JAKMIP2: variants seen among roughly 807,000 people sequenced by gnomAD.
The protein encoded by JAKMIP2 is janus kinase and microtubule-interacting protein 2.
In JAKMIP2, 25 loss-of-function variants were observed where a neutral mutation model predicts 115.0. The ratio of observed to expected loss-of-function variants is 0.22; its 90% CI spans 0.16 to 0.30. JAKMIP2 has a LOEUF of 0.30. Ranked by LOEUF, JAKMIP2 falls within the 10% of genes least tolerant of loss-of-function variation. The pLI is 1.00. For synonymous variants in JAKMIP2, 334 were observed against 343.6 expected, an observed-to-expected ratio of 0.97 and a Z score of 0.31; for missense variants, 642 against 957.6, an observed-to-expected ratio of 0.67 and a Z score of 4.35.
Position 147,620,568 on chromosome 5 carries a change from C to T in JAKMIP2, c.2142+98G>A, listed in dbSNP as rs111549687. ...AAATGAATGAACTGCATGTCGTGAT[C>T]TATTCAAGTACATAGCATGGAAAAT... On this transcript the variant is annotated intron_variant, in intron 18 of 21. Transcript: ENST00000616793. 49 of 714,438 alleles carry T rather than the reference C, an allele frequency of 6.9e-5. 1 individual carries two copies. The highest frequency in any genetic ancestry group is 6.4e-4 in the African/African-American group (36 of 55,942). The allele number at this position is 714,438 out of a possible 1,614,324, so 44.3% of individuals were successfully genotyped here. A position where few individuals can be genotyped will look rare whatever the true frequency, so the allele number is the denominator to read the frequency against.
At chr5:147,702,664 GAGAGAGAA>G (rs147998221) in intron 1 of JAKMIP2, among the ~76,000 whole-genome samples, 2,248 of 100,906 alleles carry the variant, frequency 0.022, 72 homozygotes, top group East Asian at 0.14. Flanking sequence ...AAGAAAGAAA[GAGAGAGAA>G]AGAAAGAGAA....
chr5:147,672,876 C>A (rs956416532), intron 1 of JAKMIP2, among the ~76,000 whole-genome samples: 3 of 152,154 alleles, frequency 2.0e-5, no homozygotes, highest in African/African-American at 4.8e-5. Context: ...ATTAATTACA[C>A]CCCTAAATGT....
At chr5:147,612,503 T>C in intron 19 of JAKMIP2, 132 bp from the exon 20 acceptor site, 1 of 574,924 alleles carries the variant, frequency 1.7e-6, no homozygotes, top group Non-Finnish European at 3.1e-6. Flanking sequence ...AAACATCGCA[T>C]GTATGTTTTC....
chr5:147,675,659 C>T (rs1759901681), intron 1 of JAKMIP2, among the ~76,000 whole-genome samples: 2 of 152,146 alleles, frequency 1.3e-5, no homozygotes, highest in Non-Finnish European at 2.9e-5. Context: ...CCATAATTCA[C>T]TATTCCCCAC....
intron 1 of JAKMIP2, among the ~76,000 whole-genome samples, chr5:147,727,889 C>T (rs1753582077): frequency 1.3e-5 from 2 of 152,018 alleles, no homozygotes; most frequent in Admixed American, 6.5e-5. Flanking sequence ...TCTTGCTACT[C>T]TTGATGCACA....
chr5:147,676,115 C>T (rs1377794945), intron 1 of JAKMIP2, among the ~76,000 whole-genome samples: 6 of 152,090 alleles, frequency 3.9e-5, no homozygotes. Context: ...GGGCGGATCA[C>T]GAGGTCAGGA....
intron 1 of JAKMIP2, among the ~76,000 whole-genome samples, chr5:147,700,658 T>A (rs1405373383): frequency 6.6e-6 from 1 of 152,172 alleles, no homozygotes; most frequent in East Asian, 1.9e-4. Context: ...ACTAAAAGCT[T>A]TGATCAGAAC....
intron 10 of JAKMIP2, among the ~76,000 whole-genome samples, chr5:147,638,787 G>GAAACCTAGGT (rs1757744470): frequency 6.6e-6 from 1 of 151,900 alleles, no homozygotes; most frequent in African/African-American, 2.4e-5. Flanking sequence ...ACAAGGCTAG[G>GAAACCTAGGT]AAACCTAGGT....
chr5:147,606,971 CTCTG>C (rs1427310171), intron 20 of JAKMIP2, among the ~76,000 whole-genome samples: 21 of 152,032 alleles, frequency 1.4e-4, no homozygotes, highest in Non-Finnish European at 2.5e-4. Flanking sequence ...TGATTTGGCT[CTCTG>C]TCTATTATTG....
chr5:147,666,918 T>C (rs867656061), intron 2 of JAKMIP2, among the ~76,000 whole-genome samples: 83 of 152,238 alleles, frequency 5.5e-4, no homozygotes, highest in Middle Eastern at 6.8e-3. Context: ...ATAATTTTAA[T>C]AAATACTGTG....
At chr5:147,677,189 G>GTCATAGTGCCTATGACA (rs1760014466) in intron 1 of JAKMIP2, among the ~76,000 whole-genome samples, 2 of 152,176 alleles carry the variant, frequency 1.3e-5, no homozygotes, top group South Asian at 2.1e-4. Context: ...ACACTGGATT[G>GTCATAGTGCCTATGACA]CTTGGCAATT....
At chr5:147,684,296 A>AACAC (rs10565596) in intron 1 of JAKMIP2, among the ~76,000 whole-genome samples, 282 of 147,470 alleles carry the variant, frequency 1.9e-3, no homozygotes, top group East Asian at 5.6e-3. Flanking sequence ...AGTGCCAGAG[A>AACAC]ACACACACAC....
At chr5:147,708,820 T>G (rs1379009941) in intron 1 of JAKMIP2, among the ~76,000 whole-genome samples, 1 of 152,214 alleles carries the variant, frequency 6.6e-6, no homozygotes, top group Non-Finnish European at 1.5e-5. Flanking sequence ...TGTAGGTTCC[T>G]GGGTTCAATT....
intron 2 of JAKMIP2, 127 bp from the exon 3 acceptor site, chr5:147,661,572 C>T (rs1170615707): frequency 5.0e-6 from 5 of 998,302 alleles, no homozygotes; most frequent in Admixed American, 2.6e-5. Flanking sequence ...ATTCCAGGCC[C>T]TCTGAGAAAA....
chr5:147,759,392 G>C (rs967198982), intron 1 of JAKMIP2, among the ~76,000 whole-genome samples: 1 of 152,080 alleles, frequency 6.6e-6, no homozygotes, highest in African/African-American at 2.4e-5. Flanking sequence ...GTCACAAGAA[G>C]AAATGTTTAT....
At chr5:147,699,730 C>G (rs1320006148) in intron 1 of JAKMIP2, among the ~76,000 whole-genome samples, 1 of 152,186 alleles carries the variant, frequency 6.6e-6, no homozygotes, top group African/African-American at 2.4e-5. Context: ...ACAGCATCAG[C>G]TAAAATGTGA....
chr5:147,650,189 C>G, intron 4 of JAKMIP2, 149 bp downstream of exon 4: 2 of 620,888 alleles, frequency 3.2e-6, no homozygotes, highest in South Asian at 4.0e-5. Flanking sequence ...TTTAGAAAAC[C>G]CTGTTCTCAA....
At chr5:147,760,102 AAG>A (rs1321541433) in intron 1 of JAKMIP2, among the ~76,000 whole-genome samples, 2 of 152,098 alleles carry the variant, frequency 1.3e-5, no homozygotes, top group Non-Finnish European at 2.9e-5. Context: ...AATGGAGAGA[AAG>A]AAGGACACGT....
intron 1 of JAKMIP2, among the ~76,000 whole-genome samples, chr5:147,740,901 A>C (rs1754120568): frequency 6.6e-6 from 1 of 152,224 alleles, no homozygotes; most frequent in South Asian, 2.1e-4. Flanking sequence ...GCTTTCTTTT[A>C]CATGGGGAGG....
Sources: gnomAD v4.1 joint callset for allele counts (sites outside exome capture counted in the v4.1 genomes callset) on GRCh38, gnomAD v4.1.1 for gene constraint, MANE v1.5 for transcripts, NCBI Gene and HGNC (gene_info 2026-07-23, HGNC 2026-07-21) for gene names.